TRAF7: variants seen among roughly 807,000 people sequenced by gnomAD.
TRAF7 encodes the protein E3 ubiquitin-protein ligase TRAF7.
TRAF7 carries 45 observed loss-of-function variants against 89.3 expected under a neutral mutation model. The ratio of observed to expected loss-of-function variants is 0.50; its 90% CI spans 0.40 to 0.65. TRAF7 has a LOEUF of 0.65. Among genes scored for constraint, TRAF7 ranks in the 30% least tolerant of loss-of-function variants. The pLI is 0.00. For synonymous variants in TRAF7, 406 were observed against 369.2 expected, an observed-to-expected ratio of 1.10 and a Z score of -1.14; for missense variants, 677 against 918.1, an observed-to-expected ratio of 0.74 and a Z score of 3.39.
At chr16:2,167,325 G>A (rs1420755416) in intron 3 of TRAF7, among the ~76,000 whole-genome samples, 1 of 139,656 alleles carries the variant, frequency 7.2e-6, no homozygotes, top group Non-Finnish European at 1.6e-5. Context: ...GCAGCCTCTC[G>A]AGGCCTCAAT....
In TRAF7 at chr16:2,172,055, T is replaced by C. The variant is rs1026911111; in HGVS notation, c.476-136T>C. ...TGCTGCTCCTTCTTGGTGGCCCACCTGTGCCCCCGTTCCCATGTTGCGTGC... is the reference window on the plus strand; with the variant it reads ...TGCTGCTCCTTCTTGGTGGCCCACCCGTGCCCCCGTTCCCATGTTGCGTGC... On this transcript the variant is annotated intron_variant, in intron 7 of 20. Coordinates refer to ENST00000326181, the MANE Select transcript of TRAF7 (RefSeq NM_032271.3). The C allele has an allele frequency of 3.0e-5, 31 of 1,020,218 alleles. No individual in the cohort carries two copies. The South Asian group carries it at 3.9e-4, about 13-fold the overall frequency. The allele number at this position is 1,020,218 out of a possible 1,614,324, so 63.2% of individuals were successfully genotyped here. A position where few individuals can be genotyped will look rare whatever the true frequency, so the allele number is the denominator to read the frequency against.
Position 2,163,957 on chromosome 16 carries a change from T to TC in TRAF7, c.39dup (p.Gly14ArgfsTer35), listed in dbSNP as rs767607119. On this transcript the variant is annotated frameshift_variant, in exon 2 of 21. Coordinates refer to ENST00000326181, the MANE Select transcript of TRAF7 (RefSeq NM_032271.3). LOFTEE classifies it high-confidence loss of function. This position sits in a 1 kb window ranked among gnomAD's most constrained non-coding sequence, Gnocchi z 4.3. Reference sequence around the variant, plus strand: ...CAAGAGTGCCCGCTACAACCGCTTCTCCGGGGGGCCCAGCAATCTTCCCAC... The same window carrying TC: ...CAAGAGTGCCCGCTACAACCGCTTCTCCCGGGGGGCCCAGCAATCTTCCCAC... The TC allele has an allele frequency of 3.7e-6, 6 of 1,612,790 alleles. No homozygotes were observed. The highest frequency in any genetic ancestry group is 5.1e-6 in the Non-Finnish European group (6 of 1,179,770).
intron 12 of TRAF7, 21 bp downstream of exon 12, chr16:2,173,857 G>GCGGGCCGCCCCCCC: frequency 6.2e-7 from 1 of 1,607,510 alleles, no homozygotes; most frequent in Non-Finnish European, 8.5e-7. Flanking sequence ...ACCCGCCGTG[G>GCGGGCCGCCCCCCC]CTCCCGCCCA....
chr16:2,160,411 G>A (rs1299966441), intron 1 of TRAF7, among the ~76,000 whole-genome samples: 4 of 151,206 alleles, frequency 2.6e-5, no homozygotes, highest in Non-Finnish European at 5.9e-5. Flanking sequence ...CATGGGCAGT[G>A]TGGACGGGCA....
Position 2,159,094 on chromosome 16 carries a change from G to T in TRAF7, c.-39+3236G>T, listed in dbSNP as rs569203515. Among the ~76,000 whole-genome samples, 9 of 152,356 alleles carry T rather than the reference G, an allele frequency of 5.9e-5. No individual in the cohort carries two copies. The South Asian group carries it at 1.9e-3, about 32-fold the overall frequency. On this transcript the variant is annotated intron_variant, in intron 1 of 20. Coordinates refer to ENST00000326181, the MANE Select transcript of TRAF7 (RefSeq NM_032271.3). The surrounding 1 kb of genome is among the most constrained non-coding windows in gnomAD (Gnocchi z 6.5). The stretch of plus-strand genomic sequence containing the variant: ...AGGGGCAGCAAAAGGCATCCTTACT[G>T]TGAAGTTGGGGTAAAGCCTTGGCCG...
rs1156503810 is a variant in TRAF7 at position 2,163,666 on chromosome 16, C to T, written c.-38-217C>T. 1.2e-4 allele frequency: 66 copies of T among 545,420 alleles called. 1 individual carries two copies. The highest frequency in any genetic ancestry group is 2.2e-4 in the South Asian group (11 of 49,696). 33.8% of individuals were successfully genotyped at this position (545,420 alleles called of 1,614,324 possible). A position where few individuals can be genotyped will look rare whatever the true frequency, so the allele number is the denominator to read the frequency against. On this transcript the variant is annotated intron_variant, in intron 1 of 20. Coordinates refer to ENST00000326181, the MANE Select transcript of TRAF7 (RefSeq NM_032271.3). This position sits in a 1 kb window ranked among gnomAD's most constrained non-coding sequence, Gnocchi z 4.3. ...AAGGCTAAGCCTTGAGGGACGGTGA[C>T]GCAGAGCCGCCTGCCTGCCCGGGCC...
intron 2 of TRAF7, among the ~76,000 whole-genome samples, chr16:2,164,422 C>T (rs1243635413): frequency 2.1e-4 from 29 of 135,246 alleles, no homozygotes; most frequent in Non-Finnish European, 3.1e-4. Flanking sequence ...GTGAGTGCTG[C>T]GTGGCCTGGC....
In TRAF7 at chr16:2,157,673, G is replaced by A. The variant is rs576677381; in HGVS notation, c.-39+1815G>A. Among the ~76,000 whole-genome samples, 4 of 152,226 alleles carry A rather than the reference G, an allele frequency of 2.6e-5. No individual in the cohort carries two copies. In the South Asian group the frequency reaches 8.3e-4, roughly 32 times the overall value. ...GGAATGAGCAGTTTGGGGAAAGGAG[G>A]AAGATGCAGTTGAAGAGCCTCCTGG... On this transcript the variant is annotated intron_variant, in intron 1 of 20. Transcript: ENST00000326181.
At chr16:2,169,228 C>G (rs2093098730) in intron 4 of TRAF7, among the ~76,000 whole-genome samples, 1 of 152,160 alleles carries the variant, frequency 6.6e-6, no homozygotes, top group South Asian at 2.1e-4. Context: ...CTGATCTGCC[C>G]CCTCCTTGGC....
chr16:2,176,437 G>A (rs1166238337), intron 20 of TRAF7, 53 bp downstream of exon 20: 4 of 1,612,342 alleles, frequency 2.5e-6, no homozygotes, highest in Non-Finnish European at 2.5e-6. Context: ...ATGGAGCGGG[G>A]GTGGGGACGA....
At chr16:2,166,843 G>A (rs902394116) in intron 3 of TRAF7, among the ~76,000 whole-genome samples, 3 of 152,250 alleles carry the variant, frequency 2.0e-5, no homozygotes, top group Non-Finnish European at 4.4e-5. Flanking sequence ...GAGACCATGC[G>A]GAAGTGGCAG....
chr16:2,168,245 G>A lies in TRAF7; in HGVS notation c.231+77G>A. 7.5e-7 allele frequency: 1 copy of A among 1,327,778 alleles called. No homozygotes were observed. Among genetic ancestry groups the A allele is most frequent in the Admixed American group, 2.1e-5 (1 of 48,520 alleles). 82.2% of individuals were successfully genotyped at this position (1,327,778 alleles called of 1,614,324 possible). A position where few individuals can be genotyped will look rare whatever the true frequency, so the allele number is the denominator to read the frequency against. Reference sequence around the variant, plus strand: ...CCCTCCTGGGGGAACCAGGTCCCAGGAGGAGTTGACAGTGAGCTGGTGAGG... The same window carrying A: ...CCCTCCTGGGGGAACCAGGTCCCAGAAGGAGTTGACAGTGAGCTGGTGAGG... On this transcript the variant is annotated intron_variant, in intron 4 of 20. Transcript: ENST00000326181. The surrounding 1 kb of genome is among the most constrained non-coding windows in gnomAD (Gnocchi z 4.1).
At chr16:2,175,788 G>A (rs1270309148) in intron 17 of TRAF7, 46 bp from the exon 18 acceptor site, 3 of 1,607,424 alleles carry the variant, frequency 1.9e-6, no homozygotes, top group South Asian at 2.2e-5. Flanking sequence ...GGGCCCTGGG[G>A]GTGAAGCACC....
Position 2,161,528 on chromosome 16 carries a change from G to T in TRAF7, c.-38-2355G>T, listed in dbSNP as rs1446496731. On this transcript the variant is annotated intron_variant, in intron 1 of 20. Coordinates refer to ENST00000326181, the MANE Select transcript of TRAF7 (RefSeq NM_032271.3). This position sits in a 1 kb window ranked among gnomAD's most constrained non-coding sequence, Gnocchi z 5.2. ...CCTGGCCACCTGGGCCCCCGGGCAG[G>T]CATCACTGGCAGGGCTTGCAGCTGG... 6.6e-6 allele frequency among the ~76,000 whole-genome samples: 1 copy of T among 152,156 alleles called. No individual in the cohort carries two copies. The highest frequency in any genetic ancestry group is 1.5e-5 in the Non-Finnish European group (1 of 68,022).
chr16:2,170,365 A>G (rs1396504670), intron 4 of TRAF7, among the ~76,000 whole-genome samples: 3 of 152,214 alleles, frequency 2.0e-5, no homozygotes, highest in Non-Finnish European at 4.4e-5. Context: ...TTACACAAAG[A>G]GAGGTGGCAG....
rs1013978083 is a variant in TRAF7 at position 2,177,423 on chromosome 16, ATTT to A, written c.*857_*859del. The A allele has an allele frequency of 4.5e-6, 1 of 222,776 alleles. No individual in the cohort carries two copies. Among genetic ancestry groups the A allele is most frequent in the South Asian group, 1.9e-4 (1 of 5,386 alleles). The allele number at this position is 222,776 out of a possible 1,614,324, so 13.8% of individuals were successfully genotyped here. ...ATCGCTGGTTTTCGGCATTTTTTAA[ATTT>A]TTTTTTTAAGAAACGTCAAAGTTGT... is the stretch of plus-strand genomic sequence containing the variant. On this transcript the variant is annotated 3_prime_UTR_variant, in exon 21 of 21. Coordinates refer to ENST00000326181, the MANE Select transcript of TRAF7 (RefSeq NM_032271.3).
At chr16:2,169,007 C>T (rs9939262) in intron 4 of TRAF7, among the ~76,000 whole-genome samples, 1,884 of 152,010 alleles carry the variant, frequency 0.012, 39 homozygotes, top group African/African-American at 0.043. Context: ...TTTTTTGAGA[C>T]GGACTTTTGC....
Position 2,159,656 on chromosome 16 carries a change from CCA to C in TRAF7, c.-39+3805_-39+3806del, listed in dbSNP as rs1368355339. Reference sequence around the variant, plus strand: ...CTCTGGCCGCAGTCCAGCCAGCCGGCCACACACAGCCCTGTGGCAGGCGGGGC... The same window carrying C: ...CTCTGGCCGCAGTCCAGCCAGCCGGCCACACAGCCCTGTGGCAGGCGGGGC... On this transcript the variant is annotated intron_variant, in intron 1 of 20. Coordinates refer to ENST00000326181, the MANE Select transcript of TRAF7 (RefSeq NM_032271.3). This position sits in a 1 kb window ranked among gnomAD's most constrained non-coding sequence, Gnocchi z 6.5. Among the ~76,000 whole-genome samples the C allele has an allele frequency of 1.3e-5, 2 of 152,184 alleles. No homozygotes were observed. The highest frequency in any genetic ancestry group is 4.8e-5 in the African/African-American group (2 of 41,448).
chr16:2,175,654 C>T (rs2093132552), intron 17 of TRAF7, 32 bp downstream of exon 17: 3 of 1,603,630 alleles, frequency 1.9e-6, no homozygotes, highest in South Asian at 2.2e-5. Context: ...GGCCACAGGG[C>T]CTTGCCTCCT....
Sources: gnomAD v4.1 joint callset for allele counts (sites outside exome capture counted in the v4.1 genomes callset) on GRCh38, gnomAD v4.1.1 for gene constraint, Gnocchi (gnomAD v3.1) non-coding constraint, MANE v1.5 for transcripts, NCBI Gene and HGNC (gene_info 2026-07-23, HGNC 2026-07-21) for gene names.